Variants in ESRRG observed in about 807,000 individuals in gnomAD.
ESRRG encodes the protein estrogen related receptor gamma.
In ESRRG, 13 loss-of-function variants were observed where a neutral mutation model predicts 44.0. The ratio of observed to expected loss-of-function variants is 0.30; its 90% CI spans 0.19 to 0.47. The LOEUF (loss-of-function observed/expected upper bound fraction) is 0.47. Among genes scored for constraint, ESRRG ranks in the 20% least tolerant of loss-of-function variants. ESRRG has a pLI of 1.00. For synonymous variants in ESRRG, 215 were observed against 214.6 expected (o/e 1.00, Z -0.02); for missense variants, 395 against 580.6 (o/e 0.68, Z 3.29).
At chr1:216,715,649 T>C (rs781589249) in intron 1 of ESRRG, among the ~76,000 whole-genome samples, 28 of 152,108 alleles carry the variant, frequency 1.8e-4, no homozygotes, top group African/African-American at 9.7e-5. Flanking sequence ...ATATGACCTG[T>C]TATTTTGGTT....
chr1:216,551,996 T>C (rs557508551), intron 5 of ESRRG, among the ~76,000 whole-genome samples: 12 of 152,246 alleles, frequency 7.9e-5, no homozygotes, highest in African/African-American at 2.6e-4. Context: ...AGAAAGATTC[T>C]GAACCATATC....
chr1:216,709,343 G>GTA (rs71163761), intron 1 of ESRRG, among the ~76,000 whole-genome samples: 22,733 of 145,088 alleles, frequency 0.16, 1,831 homozygotes, highest in Middle Eastern at 0.27. Flanking sequence ...GTGTGTGTGT[G>GTA]TATATATATA....
chr1:216,914,136 T>C (rs2060839145), intron 2 of ESRRG, among the ~76,000 whole-genome samples: 1 of 152,092 alleles, frequency 6.6e-6, no homozygotes, highest in African/African-American at 2.4e-5. Flanking sequence ...ACTGTCTTCC[T>C]GTACTGCTAT....
chr1:216,846,048 T>C (rs2095741099), intron 2 of ESRRG, among the ~76,000 whole-genome samples: 1 of 152,130 alleles, frequency 6.6e-6, no homozygotes, highest in Non-Finnish European at 1.5e-5. Flanking sequence ...AAAAATAATT[T>C]TCTAAAAACA....
At chr1:216,958,020 T>A (rs2068291910) in intron 1 of ESRRG, among the ~76,000 whole-genome samples, 1 of 79,120 alleles carries the variant, frequency 1.3e-5, no homozygotes, top group Admixed American at 1.3e-4. Context: ...GTCACATGAA[T>A]GGAAACGTAT....
At chr1:216,661,562 G>A (rs557070956) in intron 2 of ESRRG, among the ~76,000 whole-genome samples, 13 of 152,264 alleles carry the variant, frequency 8.5e-5, no homozygotes, top group African/African-American at 3.1e-4. Context: ...ACCGGTACAA[G>A]TCCATATGAC....
intron 3 of ESRRG, among the ~76,000 whole-genome samples, chr1:216,614,563 G>T (rs1028857128): frequency 1.3e-5 from 2 of 152,122 alleles, no homozygotes; most frequent in African/African-American, 2.4e-5. Flanking sequence ...TGACAGCCCA[G>T]ACACTTAAAG....
chr1:216,847,776 G>A (rs2095778760), intron 2 of ESRRG, among the ~76,000 whole-genome samples: 1 of 152,084 alleles, frequency 6.6e-6, no homozygotes, highest in Non-Finnish European at 1.5e-5. Flanking sequence ...GCTGAGCTGA[G>A]GGGTCCATGC....
chr1:217,032,895 A>G (rs1204277119), intron 1 of ESRRG, among the ~76,000 whole-genome samples: 1 of 152,190 alleles, frequency 6.6e-6, no homozygotes, highest in Non-Finnish European at 1.5e-5. Flanking sequence ...TACATGCACA[A>G]TTTGGCTGCT....
chr1:216,896,967 G>A (rs1174611553), intron 2 of ESRRG, among the ~76,000 whole-genome samples: 1 of 152,200 alleles, frequency 6.6e-6, no homozygotes, highest in Non-Finnish European at 1.5e-5. Context: ...GACCTAGAAA[G>A]AATTGCATCT....
chr1:216,779,114 A>G (rs1189649310), intron 2 of ESRRG, among the ~76,000 whole-genome samples: 1 of 125,682 alleles, frequency 8.0e-6, no homozygotes, highest in Non-Finnish European at 1.6e-5. Flanking sequence ...ATATATATAT[A>G]TATAATTATA....
intron 3 of ESRRG, among the ~76,000 whole-genome samples, chr1:216,609,493 T>C (rs539741488): frequency 2.0e-5 from 3 of 152,256 alleles, no homozygotes; most frequent in African/African-American, 7.2e-5. Context: ...CCCAGGTGAG[T>C]ATAGTCCCTG....
chr1:216,716,739 A>C (rs2084960003), intron 1 of ESRRG, among the ~76,000 whole-genome samples: 1 of 151,954 alleles, frequency 6.6e-6, no homozygotes, highest in African/African-American at 2.4e-5. Context: ...GCTCCCTGTA[A>C]GTTTTGGCAA....
At chr1:216,820,287 T>A (rs971979956) in intron 2 of ESRRG, among the ~76,000 whole-genome samples, 1 of 152,222 alleles carries the variant, frequency 6.6e-6, no homozygotes, top group African/African-American at 2.4e-5. Flanking sequence ...TGTTTTAAGT[T>A]TATTCTTACA....
chr1:217,062,713 CAG>C (rs1215475496), intron 1 of ESRRG, among the ~76,000 whole-genome samples: 1 of 152,204 alleles, frequency 6.6e-6, no homozygotes, highest in East Asian at 1.9e-4. Flanking sequence ...GGCAACAAGA[CAG>C]AGCCAGTTTA....
chr1:217,051,770 T>C (rs545457884), intron 1 of ESRRG, among the ~76,000 whole-genome samples: 1 of 152,140 alleles, frequency 6.6e-6, no homozygotes, highest in Admixed American at 6.6e-5. Flanking sequence ...ATCCCCATAC[T>C]CCTTTTTTTA....
chr1:216,808,383 A>G (rs2813672), intron 2 of ESRRG, among the ~76,000 whole-genome samples: 121,778 of 151,994 alleles, frequency 0.8, 50,353 homozygotes, highest in Non-Finnish European at 0.91. Context: ...AGTCTTGGGT[A>G]AGTCTCAATG....
rs576519364 is a variant in ESRRG at position 216,891,823 on chromosome 1, G to A, written c.-14+47759C>T. Among the ~76,000 whole-genome samples, 108 of 116,684 alleles carry A rather than the reference G, an allele frequency of 9.3e-4. No homozygotes were observed. In the Admixed American group the frequency reaches 9.9e-3, roughly 11 times the overall value. 76.5% of individuals were successfully genotyped at this position (116,684 alleles called of 152,430 possible). A position where few individuals can be genotyped will look rare whatever the true frequency, so the allele number is the denominator to read the frequency against. ...TTTTTTTTTTTTTTTTTTTTGAGAT[G>A]GAGGCTTGCTTTCTTGCCCAGGCTA... On this transcript the variant is annotated intron_variant, in intron 2 of 7. Coordinates refer to the ESRRG transcript ENST00000359162.
rs140783986 is a variant in ESRRG at position 216,764,953 on chromosome 1, C to A, written c.-13-87462G>T. Among the ~76,000 whole-genome samples the A allele has an allele frequency of 1.8e-4, 27 of 152,096 alleles. 1 individual carries two copies. The East Asian group carries it at 5.1e-3, about 29-fold the overall frequency. On this transcript the variant is annotated intron_variant, in intron 2 of 7. Coordinates refer to the ESRRG transcript ENST00000359162. Reference sequence around the variant, plus strand: ...GAGGGAGAGTTGTGTGGAACAGCCGCCCTTCAGGGAAGCGGTGACACTCGA... The same window carrying A: ...GAGGGAGAGTTGTGTGGAACAGCCGACCTTCAGGGAAGCGGTGACACTCGA...
Sources: gnomAD v4.1 joint callset for allele counts (sites outside exome capture counted in the v4.1 genomes callset) on GRCh38, gnomAD v4.1.1 for gene constraint, MANE v1.5 for transcripts, NCBI Gene and HGNC (gene_info 2026-07-23, HGNC 2026-07-21) for gene names.